Variants in OCA2 observed in about 807,000 individuals in gnomAD.
The protein encoded by OCA2 is P protein.
A neutral mutation model predicts 100.2 loss-of-function variants in OCA2; 77 were observed. The ratio of observed to expected loss-of-function variants is 0.77; its 90% confidence interval spans 0.64 to 0.93. OCA2 has a LOEUF of 0.93. OCA2 is among the 40% of genes least tolerant of loss of function. The pLI is 0.00. For missense variants in OCA2, 1,062 were observed against 1,089.1 expected (o/e 0.98, Z 0.35); for synonymous variants, 432 against 439.2 (o/e 0.98, Z 0.21).
At chr15:27,893,960 T>C (rs1411408206) in intron 19 of OCA2, among the ~76,000 whole-genome samples, 1 of 152,168 alleles carries the variant, frequency 6.6e-6, no homozygotes, top group Non-Finnish European at 1.5e-5. Context: ...TTGATGCATG[T>C]GATCTTTGTA....
At chr15:27,882,489 T>C (rs1595570048) in intron 19 of OCA2, among the ~76,000 whole-genome samples, 1 of 152,182 alleles carries the variant, frequency 6.6e-6, no homozygotes, top group Non-Finnish European at 1.5e-5. Flanking sequence ...TTGATCATAG[T>C]TATAAAAGCT....
At chr15:27,990,483 G>C in intron 10 of OCA2, 93 bp downstream of exon 10, 1 of 1,265,094 alleles carries the variant, frequency 7.9e-7, no homozygotes, top group Non-Finnish European at 1.2e-6. Context: ...ATATAAAATA[G>C]TGAAAAAACC....
chr15:27,986,728 A>G, intron 11 of OCA2, 85 bp from the exon 12 acceptor site: 3 of 919,090 alleles, frequency 3.3e-6, no homozygotes, highest in Non-Finnish European at 5.5e-6. Context: ...TACACATTTG[A>G]GCTCTGGCCT....
chr15:28,058,293 C>A (rs975018816), intron 2 of OCA2, among the ~76,000 whole-genome samples: 2 of 152,228 alleles, frequency 1.3e-5, no homozygotes, highest in African/African-American at 4.8e-5. Context: ...GGAGCTGGGC[C>A]TGGCTGCTGC....
chr15:27,871,894 T>C lies in OCA2; in HGVS notation c.2108A>G (p.Tyr703Cys), dbSNP rs778021996. ...EALAHLHLIE[Y>C]VGEQTALLIK... is the part of the protein sequence containing the mutation. ...TAGCAAAGCAGTTTGTTCTCCAACA[T>C]ATTCTATTAAGTGGAGATGTGCCAA... Residue 703 changes from tyrosine to cysteine, a missense_variant, in exon 20 of 24, where the codon TAT (tyrosine) becomes TGT (cysteine). Physicochemically the swap from Tyr to Cys is radical, Grantham distance 194. Transcript: ENST00000354638. The C allele has an allele frequency of 5.0e-6, 8 of 1,610,980 alleles. No homozygotes were observed. The South Asian group carries it at 8.8e-5, about 18-fold the overall frequency.
At chr15:27,874,026 C>T (rs1032572481) in intron 19 of OCA2, among the ~76,000 whole-genome samples, 7 of 152,020 alleles carry the variant, frequency 4.6e-5, no homozygotes, top group African/African-American at 1.7e-4. Flanking sequence ...CACAGAAATG[C>T]TGATTCAGCA....
chr15:27,890,192 G>C (rs1159049639), intron 19 of OCA2, among the ~76,000 whole-genome samples: 2 of 152,212 alleles, frequency 1.3e-5, no homozygotes, highest in African/African-American at 4.8e-5. Context: ...GTGGAATGGA[G>C]CCTCAGGGAA....
chr15:27,960,955 A>T (rs1480455404), intron 15 of OCA2, among the ~76,000 whole-genome samples: 2 of 151,902 alleles, frequency 1.3e-5, no homozygotes, highest in African/African-American at 4.8e-5. Flanking sequence ...GACAAATGGG[A>T]TCTAATTAAA....
At chr15:28,030,347 G>A (rs745765649) in intron 3 of OCA2, among the ~76,000 whole-genome samples, 1 of 152,154 alleles carries the variant, frequency 6.6e-6, no homozygotes, top group Non-Finnish European at 1.5e-5. Flanking sequence ...TAGTGTTTGA[G>A]AGCACAGGAG....
chr15:27,990,126 C>T (rs1415352958), intron 10 of OCA2, among the ~76,000 whole-genome samples: 5 of 152,176 alleles, frequency 3.3e-5, no homozygotes, highest in African/African-American at 9.7e-5. Flanking sequence ...CATGTCCCTG[C>T]CAGAGAGGCC....
intron 1 of OCA2, among the ~76,000 whole-genome samples, chr15:28,083,318 TGACATTCGAA>T (rs1484000487): frequency 1.3e-5 from 2 of 152,146 alleles, no homozygotes; most frequent in Non-Finnish European, 2.9e-5. Context: ...TAGAAAAACA[TGACATTCGAA>T]GAAACCTGAA....
chr15:27,845,782 C>T (rs969310173), intron 22 of OCA2, among the ~76,000 whole-genome samples: 4 of 152,142 alleles, frequency 2.6e-5, no homozygotes, highest in African/African-American at 9.7e-5. Flanking sequence ...TCCTGATGTC[C>T]GTGCACACAC....
At chr15:27,812,856 T>C (rs1344624916) in intron 23 of OCA2, among the ~76,000 whole-genome samples, 63 of 152,124 alleles carry the variant, frequency 4.1e-4, no homozygotes, top group Admixed American at 4.1e-3. Context: ...GGCTGTGCCA[T>C]GGCCCTCACC....
intron 9 of OCA2, among the ~76,000 whole-genome samples, chr15:27,995,662 T>C (rs1245882694): frequency 6.6e-6 from 1 of 151,908 alleles, no homozygotes; most frequent in Non-Finnish European, 1.5e-5. Context: ...AGCACTAAGA[T>C]TATAAGCATG....
At chr15:27,722,736 TTTC>T in the OCA2 span, among the ~76,000 whole-genome samples, 6 of 145,790 alleles carry the variant, frequency 4.1e-5, no homozygotes, top group African/African-American at 1.5e-4. Flanking sequence ...TCTTTCTTTC[TTTC>T]TTCTTTCTTC....
intron 2 of OCA2, among the ~76,000 whole-genome samples, chr15:28,036,177 A>G (rs544806753): frequency 6.6e-6 from 1 of 152,334 alleles, no homozygotes; most frequent in East Asian, 1.9e-4. Context: ...ATGCCTGACC[A>G]TCTGTCTGTT....
intron 2 of OCA2, among the ~76,000 whole-genome samples, chr15:28,036,552 G>A (rs1446896657): frequency 6.6e-6 from 1 of 152,136 alleles, no homozygotes; most frequent in East Asian, 1.9e-4. Flanking sequence ...ACAGGTTCAT[G>A]TCAGACTGTG....
In OCA2 at chr15:28,028,005, C is replaced by T; in HGVS notation, c.381G>A (p.Trp127Ter). 6.2e-7 allele frequency: 1 copy of T among 1,614,222 alleles called. No homozygotes were observed. Among genetic ancestry groups the T allele is most frequent in the Non-Finnish European group, 8.5e-7 (1 of 1,180,044 alleles). The change falls in exon 4 of 24, where the codon TGG becomes TGA. Residue 127 changes from tryptophan to a stop codon, truncating the protein, a stop_gained. Coordinates refer to ENST00000354638, the MANE Select transcript of OCA2 (RefSeq NM_000275.3). LOFTEE classifies it high-confidence loss of function. ...GCTCCCAGTCAGCAGAGCTGTCTTC[C>T]CAAGACTCTTCAGCAGTGATGAACT... is the stretch of plus-strand genomic sequence containing the variant. The part of the protein sequence containing the change: ...HPEFITAEES[W>*]EDSSADWERR...
chr15:28,015,515 G>T (rs962697910), intron 8 of OCA2, among the ~76,000 whole-genome samples: 1 of 152,164 alleles, frequency 6.6e-6, no homozygotes, highest in Admixed American at 6.5e-5. Context: ...AAGGTTAAAT[G>T]AGGTTATGGG....
Sources: allele counts gnomAD v4.1 joint callset (sites outside exome capture counted in the v4.1 genomes callset), GRCh38; gene constraint gnomAD v4.1.1; transcripts MANE v1.5; gene names NCBI Gene and HGNC (gene_info 2026-07-23, HGNC 2026-07-21).